Variants in TMEM41A observed in about 807,000 individuals in gnomAD.
The protein encoded by TMEM41A is transmembrane protein 41A.
TMEM41A carries 20 observed loss-of-function variants against 25.7 expected under a neutral mutation model. The observed-to-expected ratio is 0.78, with a 90% CI of 0.55 to 1.13. The LOEUF (loss-of-function observed/expected upper bound fraction) is 1.13. Among genes scored for constraint, TMEM41A ranks in the 50% most tolerant of loss-of-function variants. The probability of loss-of-function intolerance (pLI) is 0.00; values close to 1 mark genes in which losing one functional copy is unlikely to be tolerated. For synonymous variants in TMEM41A, 133 were observed against 139.6 expected (o/e 0.95, Z 0.33); for missense variants, 299 against 314.3 (o/e 0.95, Z 0.37).
intron 4 of TMEM41A, chr3:185,493,738 A>G (rs1719022756): frequency 6.6e-6 from 1 of 151,978 alleles, no homozygotes; most frequent in African/African-American, 2.4e-5. Flanking sequence ...ATGGGGTTTC[A>G]CCATGTTGGC....
At position 185,489,631 on chromosome 3, in the gene TMEM41A, G is replaced by C. The variant is rs1382437069; in HGVS notation, c.*1906C>G. On this transcript the variant is annotated 3_prime_UTR_variant, in exon 5 of 5. Transcript: ENST00000421852. The stretch of plus-strand genomic sequence containing the variant: ...CTTACATCCATTTATTTGGGAAATT[G>C]CTTCACCTGTAAACTCACAACTGAT... 1 of 152,138 alleles carries C rather than the reference G, an allele frequency of 6.6e-6. No individual in the cohort carries two copies. The highest frequency in any genetic ancestry group is 1.5e-5 in the Non-Finnish European group (1 of 68,028). The allele number at this position is 152,138 out of a possible 1,614,324, so 9.4% of individuals were successfully genotyped here.
chr3:185,496,870 G>T lies in TMEM41A; in HGVS notation c.231C>A (p.Tyr77Ter), dbSNP rs1027185166. Residue 77 changes from tyrosine to a stop codon, truncating the protein, a stop_gained, in exon 2 of 5, where the codon TAC becomes TAA. Transcript: ENST00000421852. LOFTEE classifies it high-confidence loss of function. ...AYVFLLFCGAYLYKQGFAIPG... is the reference protein window; with the variant it reads ...AYVFLLFCGA ...GGATGGCAAAGCCCTGTTTGTAGAG[G>T]TAGGCGCCGCAGAAGAGCAGGAACA... is the stretch of plus-strand genomic sequence containing the variant. 1 of 1,607,940 alleles carries T rather than the reference G, an allele frequency of 6.2e-7. No individual in the cohort carries two copies.
intron 4 of TMEM41A, chr3:185,492,989 T>A (rs1719002003): frequency 6.6e-6 from 1 of 152,046 alleles, no homozygotes; most frequent in South Asian, 2.1e-4. Flanking sequence ...CTATTTAAGA[T>A]CTCCATTTCT....
chr3:185,494,464 C>T lies in TMEM41A; in HGVS notation c.574+159G>A, dbSNP rs1000424686. The T allele has an allele frequency of 3.5e-6, 3 of 867,238 alleles. No homozygotes were observed. In the East Asian group the frequency reaches 8.3e-5, roughly 24 times the overall value. The allele number at this position is 867,238 out of a possible 1,614,324, so 53.7% of individuals were successfully genotyped here. ...TTTTCATGTTGAAGCCTGAGCAGAT[C>T]TGAAATCAGGAATCATTTCTTTAGA... On this transcript the variant is annotated intron_variant, in intron 4 of 4. Transcript: ENST00000421852.
At position 185,494,333 on chromosome 3, in the gene TMEM41A, G is replaced by C. The variant is rs73885728; in HGVS notation, c.574+290C>G. Reference sequence around the variant, plus strand: ...TAGCATTTACTGAGTACTTACTATGGGCCAATTTGTATACTTTACACAGAC... The same window carrying C: ...TAGCATTTACTGAGTACTTACTATGCGCCAATTTGTATACTTTACACAGAC... On this transcript the variant is annotated intron_variant, in intron 4 of 4. Transcript: ENST00000421852. 3.3e-3 allele frequency: 949 copies of C among 288,610 alleles called. 9 individuals are homozygous for C. The highest frequency in any genetic ancestry group is 0.019 in the African/African-American group (890 of 46,216). The allele number at this position is 288,610 out of a possible 1,614,324, so 17.9% of individuals were successfully genotyped here. A position where few individuals can be genotyped will look rare whatever the true frequency, so the allele number is the denominator to read the frequency against.
intron 2 of TMEM41A, chr3:185,496,623 A>G: frequency 1.6e-6 from 1 of 634,378 alleles, no homozygotes; most frequent in South Asian, 1.8e-5. Context: ...GGGGTGGGAG[A>G]GGGAAGCAGT....
In TMEM41A at chr3:185,498,835, C is replaced by A; in HGVS notation, c.119+8G>T. 1 of 1,576,626 alleles carries A rather than the reference C, an allele frequency of 6.3e-7. No homozygotes were observed. The highest frequency in any genetic ancestry group is 8.6e-7 in the Non-Finnish European group (1 of 1,164,736). On this transcript the variant is annotated splice_region_variant and intron_variant, in intron 1 of 4. Coordinates refer to ENST00000421852, the MANE Select transcript of TMEM41A (RefSeq NM_080652.4). ...CCTCTGACCCGAACCCGGATTCCCG[C>A]CACGCACCTGCCTCCAGCCTCCTCG...
intron 2 of TMEM41A, 56 bp from the exon 3 acceptor site, chr3:185,495,371 C>G: frequency 6.4e-7 from 1 of 1,555,710 alleles, no homozygotes; most frequent in Non-Finnish European, 8.7e-7. Flanking sequence ...CCAGGCACGT[C>G]ATCTTGGAGC....
rs1301959402 is a variant in TMEM41A, at chr3:185,490,720, A to C, written c.*817T>G. 6.6e-6 allele frequency: 1 copy of C among 152,214 alleles called. No individual in the cohort carries two copies. Among genetic ancestry groups the C allele is most frequent in the East Asian group, 1.9e-4 (1 of 5,186 alleles). 9.4% of individuals were successfully genotyped at this position (152,214 alleles called of 1,614,324 possible). On this transcript the variant is annotated 3_prime_UTR_variant, in exon 5 of 5. Coordinates refer to ENST00000421852, the MANE Select transcript of TMEM41A (RefSeq NM_080652.4). ...TGAAGAGGTAGGTCATCAGCAAAGA[A>C]GTACAAAAAAATGCTCTTCAAGAGA...
intron 1 of TMEM41A, 109 bp from the exon 2 acceptor site, chr3:185,497,090 A>G: frequency 3.7e-6 from 5 of 1,351,404 alleles, no homozygotes; most frequent in Non-Finnish European, 5.0e-6. Context: ...TATGCCCATC[A>G]TCTGATCTGC....
intron 2 of TMEM41A, 57 bp from the exon 3 acceptor site, chr3:185,495,372 A>G: frequency 6.4e-7 from 1 of 1,556,290 alleles, no homozygotes. Flanking sequence ...CAGGCACGTC[A>G]TCTTGGAGCC....
At chr3:185,492,457 G>A (rs1718987006) in intron 4 of TMEM41A, 1 of 152,142 alleles carries the variant, frequency 6.6e-6, no homozygotes, top group Middle Eastern at 3.2e-3. Context: ...GTACCCAACA[G>A]CCAAAGTAAA....
rs914776661 is a variant in TMEM41A, at chr3:185,491,339, C to T, written c.*198G>A. ...GAGGCATCTGTTGCAGTGTCTGCTA[C>T]ACCAGGGCTGGTTTGAAAACCTGAT... is the stretch of plus-strand genomic sequence containing the variant. On this transcript the variant is annotated 3_prime_UTR_variant, in exon 5 of 5. Coordinates refer to ENST00000421852, the MANE Select transcript of TMEM41A (RefSeq NM_080652.4). The T allele has an allele frequency of 1.1e-5, 6 of 530,664 alleles. No individual in the cohort carries two copies. The highest frequency in any genetic ancestry group is 1.7e-5 in the Non-Finnish European group (5 of 295,140). The allele number at this position is 530,664 out of a possible 1,614,324, so 32.9% of individuals were successfully genotyped here.
intron 1 of TMEM41A, among the ~76,000 whole-genome samples, 172 bp from the exon 2 acceptor site, chr3:185,497,153 C>CA (rs779395638): frequency 8.5e-5 from 13 of 152,210 alleles, no homozygotes; most frequent in Non-Finnish European, 1.6e-4. Flanking sequence ...GTTGCGGAGA[C>CA]AGACAGGAGA....
chr3:185,498,063 C>T (rs1719155309), intron 1 of TMEM41A, among the ~76,000 whole-genome samples: 1 of 150,900 alleles, frequency 6.6e-6, no homozygotes. Context: ...TCGAGACCAG[C>T]CTGGCCAACA....
Position 185,494,872 on chromosome 3 carries a change from C to A in TMEM41A, c.436-111G>T, listed in dbSNP as rs1232077935. The stretch of plus-strand genomic sequence containing the variant: ...CACTTTACATAATCTGTTCCCAATT[C>A]TTCCAACAACCCTCCAGGGAAAGAC... On this transcript the variant is annotated intron_variant, in intron 3 of 4. Coordinates refer to ENST00000421852, the MANE Select transcript of TMEM41A (RefSeq NM_080652.4). 3 of 1,289,266 alleles carry A rather than the reference C, an allele frequency of 2.3e-6. No homozygotes were observed. The African/African-American group carries it at 4.5e-5, about 19-fold the overall frequency. The allele number at this position is 1,289,266 out of a possible 1,614,324, so 79.9% of individuals were successfully genotyped here.
Position 185,498,681 on chromosome 3 carries a change from ACG to A in TMEM41A, c.119+160_119+161del, listed in dbSNP as rs955604396. The A allele has an allele frequency of 1.3e-4, 82 of 609,466 alleles. No individual in the cohort carries two copies. In the African/African-American group the frequency reaches 1.4e-3, roughly 10 times the overall value. The allele number at this position is 609,466 out of a possible 1,614,324, so 37.8% of individuals were successfully genotyped here. A position where few individuals can be genotyped will look rare whatever the true frequency, so the allele number is the denominator to read the frequency against. On this transcript the variant is annotated intron_variant, in intron 1 of 4. Coordinates refer to ENST00000421852, the MANE Select transcript of TMEM41A (RefSeq NM_080652.4). ...CACCCTTCTGTCCGAGACCGTGCGGACGCGGGCCCGGATACCAGACCCGGATT... is the reference window on the plus strand; with the variant it reads ...CACCCTTCTGTCCGAGACCGTGCGGACGGGCCCGGATACCAGACCCGGATT...
intron 3 of TMEM41A, 172 bp downstream of exon 3, chr3:185,494,982 C>G: frequency 1.0e-6 from 1 of 955,758 alleles, no homozygotes; most frequent in Non-Finnish European, 1.5e-6. Context: ...AATGATGGAG[C>G]TGGGATTTGA....
chr3:185,498,794 C>A, intron 1 of TMEM41A, 49 bp downstream of exon 1: 1 of 1,403,446 alleles, frequency 7.1e-7, no homozygotes, highest in East Asian at 2.5e-5. Flanking sequence ...CCCCGGTCCT[C>A]GGACCCGGCT....
Sources: gnomAD v4.1 joint callset for allele counts (sites outside exome capture counted in the v4.1 genomes callset) on GRCh38, gnomAD v4.1.1 for gene constraint, MANE v1.5 for transcripts, NCBI Gene and HGNC (gene_info 2026-07-23, HGNC 2026-07-21) for gene names.